The following RNF32 variants were observed in gnomAD, a reference collection of about 807,000 sequenced individuals.
The protein encoded by RNF32 is ring finger protein 32.
RNF32 carries 36 observed loss-of-function variants against 41.0 expected under a neutral mutation model. The ratio of observed to expected loss-of-function variants is 0.88; its 90% CI spans 0.67 to 1.16. The LOEUF (loss-of-function observed/expected upper bound fraction) is 1.16. Among genes scored for constraint, RNF32 ranks in the 50% most tolerant of loss-of-function variants. The probability of loss-of-function intolerance (pLI) is 0.00; values close to 1 mark genes in which losing one functional copy is unlikely to be tolerated. For synonymous variants in RNF32, 154 were observed against 160.9 expected (o/e 0.96, Z 0.32); for missense variants, 413 against 436.7 (o/e 0.95, Z 0.48).
intron 7 of RNF32, among the ~76,000 whole-genome samples, chr7:156,662,426 G>C (rs1024185271): frequency 6.6e-6 from 1 of 152,196 alleles, no homozygotes; most frequent in Non-Finnish European, 1.5e-5. Flanking sequence ...CAACTTGACT[G>C]GGCTAAGGGA....
chr7:156,653,034 CTGTT>C (rs1798980351), intron 3 of RNF32, among the ~76,000 whole-genome samples: 1 of 152,192 alleles, frequency 6.6e-6, no homozygotes, highest in East Asian at 1.9e-4. Context: ...TAAGTGTAGA[CTGTT>C]TATGATGTCT....
In RNF32 at chr7:156,657,690, A is replaced by G; in HGVS notation, c.450+117A>G. ...GCCATTTATTTTATTCATCACCACC[A>G]TCTATAGTTAAAGAAACATGACTGT... On this transcript the variant is annotated intron_variant, in intron 5 of 8. Coordinates refer to ENST00000317955, the MANE Select transcript of RNF32 (RefSeq NM_030936.4). 4 of 925,444 alleles carry G rather than the reference A, an allele frequency of 4.3e-6. No homozygotes were observed. The South Asian group carries it at 5.2e-5, about 12-fold the overall frequency. The allele number at this position is 925,444 out of a possible 1,614,324, so 57.3% of individuals were successfully genotyped here. A position where few individuals can be genotyped will look rare whatever the true frequency, so the allele number is the denominator to read the frequency against.
At chr7:156,644,453 T>G (rs1047769256) in intron 2 of RNF32, 46 bp from the exon 3 acceptor site, 2 of 1,419,822 alleles carry the variant, frequency 1.4e-6, no homozygotes, top group Non-Finnish European at 2.0e-6. Flanking sequence ...CTAAATGATA[T>G]ATTACATAAT....
At chr7:156,663,952 A>C (rs989543934) in intron 7 of RNF32, among the ~76,000 whole-genome samples, 8 of 152,250 alleles carry the variant, frequency 5.3e-5, no homozygotes, top group Non-Finnish European at 1.0e-4. Flanking sequence ...GATACATGAA[A>C]TTAATGGAGT....
rs7797375 is a variant in RNF32, at chr7:156,674,010, A to G, written c.685-1686A>G. Among the ~76,000 whole-genome samples the G allele has an allele frequency of 1.9e-3, 288 of 152,044 alleles. 1 individual carries two copies. The highest frequency in any genetic ancestry group is 6.6e-3 in the African/African-American group (273 of 41,448). ...ATCCAAAATGCATTTTCCCCATCAC[A>G]TATCTAAATGTGTGAGATCTCCACG... On this transcript the variant is annotated intron_variant, in intron 7 of 8. Transcript: ENST00000317955.
At chr7:156,649,786 T>C (rs1798466932) in intron 3 of RNF32, among the ~76,000 whole-genome samples, 1 of 152,220 alleles carries the variant, frequency 6.6e-6, no homozygotes, top group South Asian at 2.1e-4. Flanking sequence ...CACGGTGTTT[T>C]TCACATTCAC....
intron 7 of RNF32, chr7:156,659,155 C>T: frequency 8.2e-7 from 1 of 1,219,962 alleles, no homozygotes; most frequent in Non-Finnish European, 1.0e-6. Flanking sequence ...CCTACCCCAT[C>T]AGCCTGTGGC....
At chr7:156,644,190 C>T (rs1473946099) in intron 2 of RNF32, among the ~76,000 whole-genome samples, 1 of 152,138 alleles carries the variant, frequency 6.6e-6, no homozygotes, top group East Asian at 1.9e-4. Context: ...TTAGTAGTTG[C>T]CTGGAGTCTA....
intron 7 of RNF32, among the ~76,000 whole-genome samples, chr7:156,667,103 G>A (rs1801443858): frequency 6.6e-6 from 1 of 152,150 alleles, no homozygotes; most frequent in South Asian, 2.1e-4. Flanking sequence ...ACATAGAGAT[G>A]GCAAACATTC....
chr7:156,659,310 A>T (rs1309147337), intron 7 of RNF32: 1 of 993,224 alleles, frequency 1.0e-6, no homozygotes, highest in Non-Finnish European at 1.2e-6. Flanking sequence ...ATCACTATTA[A>T]CTCCTTTCCT....
intron 4 of RNF32, 100 bp from the exon 5 acceptor site, chr7:156,657,441 A>G (rs1320506251): frequency 8.4e-7 from 1 of 1,188,830 alleles, no homozygotes. Flanking sequence ...TTTTAAAGAA[A>G]TAATACAGCT....
At chr7:156,659,385 C>T in intron 7 of RNF32, 1 of 986,040 alleles carries the variant, frequency 1.0e-6, no homozygotes, top group Non-Finnish European at 1.2e-6. Context: ...CTTCAGAGAT[C>T]ATTCGTCTCG....
At chr7:156,659,771 C>A in intron 7 of RNF32, 1 of 668,484 alleles carries the variant, frequency 1.5e-6, no homozygotes, top group Non-Finnish European at 1.8e-6. Flanking sequence ...TTACAATGTG[C>A]CTTGTGTTAT....
At chr7:156,645,360 C>A (rs1266374795) in intron 3 of RNF32, among the ~76,000 whole-genome samples, 1 of 152,216 alleles carries the variant, frequency 6.6e-6, no homozygotes, top group Non-Finnish European at 1.5e-5. Context: ...CTGAAAGGTA[C>A]AACATCACTT....
intron 7 of RNF32, chr7:156,659,827 A>C: frequency 1.2e-6 from 1 of 818,210 alleles, no homozygotes; most frequent in Non-Finnish European, 1.5e-6. Context: ...TTCAGTGCTC[A>C]GGTGTTCAAA....
chr7:156,652,605 C>G (rs1225032161), intron 3 of RNF32, among the ~76,000 whole-genome samples: 1 of 152,068 alleles, frequency 6.6e-6, no homozygotes, highest in Non-Finnish European at 1.5e-5. Context: ...TGAAAAATTC[C>G]TACCACTTCA....
chr7:156,675,602 A>T, intron 7 of RNF32, 94 bp from the exon 8 acceptor site: 1 of 973,846 alleles, frequency 1.0e-6, no homozygotes, highest in Admixed American at 2.0e-5. Context: ...GAGACGAGGA[A>T]GGTTACCAAA....
At chr7:156,651,242 C>A (rs1350971275) in intron 3 of RNF32, among the ~76,000 whole-genome samples, 5 of 142,998 alleles carry the variant, frequency 3.5e-5, no homozygotes, top group African/African-American at 1.3e-4. Context: ...GACACACAGT[C>A]TTGCTCTGAT....
chr7:156,644,620 A>C lies in RNF32; in HGVS notation c.137A>C (p.Lys46Thr). Reference protein sequence around the residue: ...VADHSKTQVQKKENKSLKRDT... With the variant: ...VADHSKTQVQTKENKSLKRDT... The stretch of plus-strand genomic sequence containing the variant: ...GATCATTCTAAGACACAAGTACAAA[A>C]GAAAGAGAACAAATCTCTAAAAAGA... Residue 46 changes from lysine to threonine, a missense_variant, in exon 3 of 9, where the codon AAG becomes ACG. Physicochemically the swap from Lys to Thr is moderately conservative, Grantham distance 78 (BLOSUM62 -1). Transcript: ENST00000317955. The C allele has an allele frequency of 3.7e-6, 6 of 1,613,824 alleles. No homozygotes were observed. The highest frequency in any genetic ancestry group is 5.1e-6 in the Non-Finnish European group (6 of 1,179,762).
Sources: allele counts gnomAD v4.1 joint callset (sites outside exome capture counted in the v4.1 genomes callset), GRCh38; gene constraint gnomAD v4.1.1; transcripts MANE v1.5; gene names NCBI Gene and HGNC (gene_info 2026-07-23, HGNC 2026-07-21).